The following HDAC9 variants were observed in gnomAD, a reference collection of about 807,000 sequenced individuals.
HDAC9 encodes MEF-2 interacting transcription repressor (MITR) protein.
A neutral mutation model predicts 139.4 loss-of-function variants in HDAC9; 41 were observed. The observed-to-expected ratio is 0.29, with a 90% CI of 0.23 to 0.38. The LOEUF (loss-of-function observed/expected upper bound fraction) is 0.38. HDAC9 is among the 10% of genes least tolerant of loss of function. The probability of loss-of-function intolerance (pLI) is 1.00; values close to 1 mark genes in which losing one functional copy is unlikely to be tolerated. For missense variants in HDAC9, 1,147 were observed against 1,297.0 expected, an observed-to-expected ratio of 0.88 and a Z score of 1.78; for synonymous variants, 517 against 476.2, an observed-to-expected ratio of 1.09 and a Z score of -1.12.
At chr7:18,283,606 A>G (rs914950394) in intron 2 of HDAC9, among the ~76,000 whole-genome samples, 1 of 152,210 alleles carries the variant, frequency 6.6e-6, no homozygotes, top group Non-Finnish European at 1.5e-5. Context: ...GCCCAATGGT[A>G]TCTTAATTCT....
At chr7:18,208,837 C>T (rs1186744342) in intron 2 of HDAC9, among the ~76,000 whole-genome samples, 1 of 152,040 alleles carries the variant, frequency 6.6e-6, no homozygotes, top group East Asian at 1.9e-4. Context: ...CTGGAAGATA[C>T]CACATAATTA....
intron 23 of HDAC9, among the ~76,000 whole-genome samples, chr7:18,944,974 G>A (rs888731390): frequency 6.6e-6 from 1 of 152,252 alleles, no homozygotes; most frequent in African/African-American, 2.4e-5. Flanking sequence ...AATTTTTCCA[G>A]TTTGGGGGCT....
chr7:18,121,220 C>T (rs1784348736), intron 1 of HDAC9, among the ~76,000 whole-genome samples: 1 of 152,122 alleles, frequency 6.6e-6, no homozygotes, highest in South Asian at 2.1e-4. Flanking sequence ...TGGCAAGACT[C>T]CCTCCTCTAG....
At chr7:18,978,875 A>T (rs1784718765) in intron 25 of HDAC9, among the ~76,000 whole-genome samples, 1 of 152,170 alleles carries the variant, frequency 6.6e-6, no homozygotes, top group South Asian at 2.1e-4. Flanking sequence ...AGACTTCAAG[A>T]TGATCAACTG....
At chr7:18,151,990 AT>A (rs1383360902) in intron 1 of HDAC9, 1 of 152,224 alleles carries the variant, frequency 6.6e-6, no homozygotes. Flanking sequence ...GCATGTTTGA[AT>A]AAATTTCAGT....
chr7:18,363,214 G>A (rs968742304), intron 1 of HDAC9, among the ~76,000 whole-genome samples: 11 of 151,972 alleles, frequency 7.2e-5, no homozygotes, highest in Admixed American at 5.3e-4. Flanking sequence ...TTTTCACCAC[G>A]GTAGATTTTC....
intron 1 of HDAC9, among the ~76,000 whole-genome samples, chr7:18,462,236 ATTGT>A (rs796240711): frequency 5.3e-5 from 8 of 152,152 alleles, no homozygotes; most frequent in African/African-American, 1.9e-4. Flanking sequence ...TGATAAATGA[ATTGT>A]TTGTTGCACA....
intron 2 of HDAC9, among the ~76,000 whole-genome samples, chr7:18,203,266 A>G (rs1791267594): frequency 2.0e-5 from 3 of 152,212 alleles, no homozygotes; most frequent in Non-Finnish European, 4.4e-5. Flanking sequence ...TTGATGGTCT[A>G]CGTGAAATAT....
intron 1 of HDAC9, among the ~76,000 whole-genome samples, chr7:18,315,045 A>G (rs184764867): frequency 9.2e-5 from 14 of 152,320 alleles, no homozygotes; most frequent in Non-Finnish European, 1.8e-4. Context: ...TTAACCACAC[A>G]CAGGTTGTGA....
chr7:18,646,424 C>A (rs1276107049), intron 9 of HDAC9, among the ~76,000 whole-genome samples: 1 of 152,088 alleles, frequency 6.6e-6, no homozygotes, highest in Non-Finnish European at 1.5e-5. Context: ...TTTTTCTTTG[C>A]TTCCATTTTG....
intron 6 of HDAC9, among the ~76,000 whole-genome samples, chr7:18,612,825 C>T (rs1389128684): frequency 6.6e-6 from 1 of 151,924 alleles, no homozygotes; most frequent in Non-Finnish European, 1.5e-5. Flanking sequence ...AAGGTCTCAT[C>T]TCTCTTTTAA....
At chr7:18,854,479 G>T (rs151254569) in intron 21 of HDAC9, among the ~76,000 whole-genome samples, 1 of 152,152 alleles carries the variant, frequency 6.6e-6, no homozygotes, top group African/African-American at 2.4e-5. Flanking sequence ...AGAGTCTGTC[G>T]GTGTATCTTA....
At chr7:18,793,243 G>A in intron 16 of HDAC9, 102 bp from the exon 17 acceptor site, 1 of 767,674 alleles carries the variant, frequency 1.3e-6, no homozygotes, top group Non-Finnish European at 2.2e-6. Flanking sequence ...TTCTCTCTCT[G>A]TCCCTCTTCC....
chr7:18,236,975 A>G (rs1477894667), intron 2 of HDAC9, among the ~76,000 whole-genome samples: 1 of 152,194 alleles, frequency 6.6e-6, no homozygotes, highest in Non-Finnish European at 1.5e-5. Context: ...CAGTTTTAAC[A>G]AAGAAATTCC....
Position 18,171,918 on chromosome 7 carries a change from G to A in HDAC9, c.25+9569G>A, listed in dbSNP as rs188204999. On this transcript the variant is annotated intron_variant, in intron 2 of 12. Coordinates refer to the HDAC9 transcript ENST00000417496. Reference sequence around the variant, plus strand: ...TGGTCTAAAATTCTCTTTTTGTTGCGTCTCTGACAGGCTTTGGTATCAGGA... The same window carrying A: ...TGGTCTAAAATTCTCTTTTTGTTGCATCTCTGACAGGCTTTGGTATCAGGA... 2.7e-3 allele frequency among the ~76,000 whole-genome samples: 412 copies of A among 152,204 alleles called. 1 individual carries two copies. The highest frequency in any genetic ancestry group is 4.0e-3 in the African/African-American group (166 of 41,544).
Position 18,350,632 on chromosome 7 carries a change from A to T in HDAC9, c.-42+60117A>T, listed in dbSNP as rs117561053. On this transcript the variant is annotated intron_variant, in intron 1 of 3. Transcript: ENST00000413509. ...ACATTTGTTCTATGACGGGGTTTCT[A>T]AGTCTGTCCCACTGGGAATGGTTAG... Among the ~76,000 whole-genome samples, 1,068 of 152,322 alleles carry T rather than the reference A, an allele frequency of 7.0e-3. 4 individuals are homozygous for T. The highest frequency in any genetic ancestry group is 0.011 in the Non-Finnish European group (781 of 68,026).
intron 21 of HDAC9, among the ~76,000 whole-genome samples, chr7:18,840,018 A>C (rs1380086430): frequency 6.6e-6 from 1 of 152,124 alleles, no homozygotes; most frequent in Admixed American, 6.6e-5. Context: ...CCAACGAATA[A>C]GATTTTATTT....
chr7:18,959,892 C>A (rs1388209875), intron 24 of HDAC9, among the ~76,000 whole-genome samples: 5 of 152,226 alleles, frequency 3.3e-5, no homozygotes, highest in Non-Finnish European at 1.5e-5. Flanking sequence ...GAGGAATGGA[C>A]AGTGCCTGCA....
intron 12 of HDAC9, among the ~76,000 whole-genome samples, chr7:18,680,532 G>T (rs1781822953): frequency 6.6e-6 from 1 of 151,928 alleles, no homozygotes; most frequent in South Asian, 2.1e-4. Flanking sequence ...AGTGAATTTG[G>T]AAGTTTTCAA....
Sources: gnomAD v4.1 joint callset for allele counts (sites outside exome capture counted in the v4.1 genomes callset) on GRCh38, gnomAD v4.1.1 for gene constraint, MANE v1.5 for transcripts, NCBI Gene and HGNC (gene_info 2026-07-23, HGNC 2026-07-21) for gene names.